MARCHF1: variants seen among roughly 807,000 people sequenced by gnomAD.
MARCHF1 encodes E3 ubiquitin-protein ligase MARCHF1.
A neutral mutation model predicts 54.2 loss-of-function variants in MARCHF1; 40 were observed. The ratio of observed to expected loss-of-function variants is 0.74; its 90% CI spans 0.57 to 0.96. The LOEUF (loss-of-function observed/expected upper bound fraction) is 0.96, where lower values mean the gene tolerates loss of function less well. Among genes scored for constraint, MARCHF1 ranks in the 40% least tolerant of loss-of-function variants. The probability of loss-of-function intolerance (pLI) is 0.00; values close to 1 mark genes in which losing one functional copy is unlikely to be tolerated. For synonymous variants in MARCHF1, 236 were observed against 236.3 expected, an observed-to-expected ratio of 1.00 and a Z score of 0.01; for missense variants, 586 against 656.5, an observed-to-expected ratio of 0.89 and a Z score of 1.17.
chr4:163,742,401 TC>T (rs1561052635), intron 4 of MARCHF1, among the ~76,000 whole-genome samples: 41 of 81,602 alleles, frequency 5.0e-4, no homozygotes, highest in Non-Finnish European at 9.0e-4. Context: ...CTTCCTCCCT[TC>T]CTTCCTTCCT....
chr4:163,909,946 T>C (rs769518846), intron 3 of MARCHF1, among the ~76,000 whole-genome samples: 2 of 152,208 alleles, frequency 1.3e-5, no homozygotes, highest in African/African-American at 4.8e-5. Flanking sequence ...AGCTACCCAG[T>C]TGAATCAACT....
chr4:164,259,586 GAAAAAA>G (rs949088358), intron 1 of MARCHF1, among the ~76,000 whole-genome samples: 2 of 120,082 alleles, frequency 1.7e-5, no homozygotes, highest in African/African-American at 6.6e-5. Context: ...AAAGAAAAAA[GAAAAAA>G]AAAAGAAAAG....
At chr4:163,786,122 A>G (rs1241711502) in intron 4 of MARCHF1, among the ~76,000 whole-genome samples, 1 of 152,108 alleles carries the variant, frequency 6.6e-6, no homozygotes, top group East Asian at 1.9e-4. Flanking sequence ...TCCTTCGGAC[A>G]CCTTGATATT....
rs180686869 is a variant in MARCHF1, at chr4:164,089,399, G to A, written c.-248+22189C>T. The stretch of plus-strand genomic sequence containing the variant: ...AATTGTGCACTTCAAAATTTGTTGA[G>A]GTTACTAGATCGCATGTTCAGTGTT... On this transcript the variant is annotated intron_variant, in intron 2 of 9. Coordinates refer to ENST00000514618, the MANE Select transcript of MARCHF1 (RefSeq NM_001394959.1). 8.9e-4 allele frequency among the ~76,000 whole-genome samples: 135 copies of A among 152,090 alleles called. 2 individuals are homozygous for A. The highest frequency in any genetic ancestry group is 3.2e-3 in the African/African-American group (131 of 41,512).
Position 163,545,599 on chromosome 4 carries a change from T to TA in MARCHF1, c.1335_1336insT (p.Asn446Ter), listed in dbSNP as rs1294907250. 1 of 1,613,090 alleles carries TA rather than the reference T, an allele frequency of 6.2e-7. No homozygotes were observed. Among genetic ancestry groups the TA allele is most frequent in the Non-Finnish European group, 8.5e-7 (1 of 1,179,570 alleles). On this transcript the variant is annotated frameshift_variant, in exon 9 of 10. Transcript: ENST00000514618. LOFTEE classifies it high-confidence loss of function. ...AAGAAGAAAGATGTGCTCTTACCAT[T>TA]GTCATTGCCTTGCTTGATTTCCTCC...
intron 3 of MARCHF1, among the ~76,000 whole-genome samples, chr4:163,886,062 A>T (rs2111255283): frequency 6.7e-6 from 1 of 148,732 alleles, no homozygotes; most frequent in Non-Finnish European, 1.5e-5. Flanking sequence ...CCCCTGTGGT[A>T]TCTATATATA....
chr4:163,794,524 T>C (rs72685619), intron 4 of MARCHF1, among the ~76,000 whole-genome samples: 5,865 of 152,230 alleles, frequency 0.039, 165 homozygotes, highest in South Asian at 0.074. Context: ...GAAGCACACA[T>C]ACATGAGCAT....
rs72989562 is a variant in MARCHF1, at chr4:164,290,821, T to C, written c.-323+93049A>G. Among the ~76,000 whole-genome samples, 902 of 152,070 alleles carry C rather than the reference T, an allele frequency of 5.9e-3. 12 individuals are homozygous for C. Among genetic ancestry groups the C allele is most frequent in the African/African-American group, 0.021 (875 of 41,566 alleles). On this transcript the variant is annotated intron_variant, in intron 1 of 9. Coordinates refer to ENST00000514618, the MANE Select transcript of MARCHF1 (RefSeq NM_001394959.1). Reference sequence around the variant, plus strand: ...TAAATAGCCTGTGAAGGAAAGATCATGAAAAACTATCCTTGAAATCTATTT... The same window carrying C: ...TAAATAGCCTGTGAAGGAAAGATCACGAAAAACTATCCTTGAAATCTATTT...
intron 3 of MARCHF1, among the ~76,000 whole-genome samples, chr4:163,878,551 C>G (rs1750342820): frequency 6.6e-6 from 1 of 152,126 alleles, no homozygotes; most frequent in Admixed American, 6.6e-5. Flanking sequence ...TCTCTTTGTT[C>G]TTTTGGAATT....
At chr4:164,112,812 A>T (rs1161749393) in intron 1 of MARCHF1, among the ~76,000 whole-genome samples, 7 of 151,986 alleles carry the variant, frequency 4.6e-5, no homozygotes. Flanking sequence ...TATATTGCAT[A>T]GAACCATGAA....
chr4:164,125,542 C>T (rs1756161438), intron 1 of MARCHF1, among the ~76,000 whole-genome samples: 1 of 152,118 alleles, frequency 6.6e-6, no homozygotes, highest in African/African-American at 2.4e-5. Flanking sequence ...CAAAATCACT[C>T]CTGAAATGAT....
At chr4:163,852,683 A>G (rs1465003897) in intron 4 of MARCHF1, among the ~76,000 whole-genome samples, 1 of 152,176 alleles carries the variant, frequency 6.6e-6, no homozygotes, top group East Asian at 1.9e-4. Context: ...GATTTAAGCA[A>G]GATCCTCACT....
intron 3 of MARCHF1, among the ~76,000 whole-genome samples, chr4:163,965,839 G>A (rs1034520485): frequency 1.3e-5 from 2 of 152,026 alleles, no homozygotes; most frequent in Admixed American, 6.6e-5. Flanking sequence ...AACACAGATC[G>A]TGATAGGTTC....
intron 5 of MARCHF1, among the ~76,000 whole-genome samples, chr4:163,641,331 A>G (rs1298534008): frequency 6.6e-6 from 1 of 152,166 alleles, no homozygotes; most frequent in Non-Finnish European, 1.5e-5. Flanking sequence ...CAGAAGAACT[A>G]AAGTTAGTAC....
chr4:164,367,799 C>T (rs1730918519), intron 1 of MARCHF1, among the ~76,000 whole-genome samples: 1 of 151,488 alleles, frequency 6.6e-6, no homozygotes, highest in African/African-American at 2.4e-5. Flanking sequence ...AATAAATTCA[C>T]CTGTGAAATT....
intron 2 of MARCHF1, among the ~76,000 whole-genome samples, chr4:163,992,806 A>G (rs1007858582): frequency 1.4e-4 from 21 of 149,878 alleles, no homozygotes; most frequent in African/African-American, 5.1e-4. Flanking sequence ...TATATTTATA[A>G]AATTATAAAT....
intron 1 of MARCHF1, among the ~76,000 whole-genome samples, chr4:164,273,939 T>C (rs1051894491): frequency 1.3e-5 from 2 of 152,128 alleles, no homozygotes; most frequent in Non-Finnish European, 2.9e-5. Context: ...AAGGAATTAA[T>C]AAATAAAAAT....
intron 3 of MARCHF1, among the ~76,000 whole-genome samples, chr4:163,973,978 G>A (rs1752600753): frequency 2.0e-5 from 3 of 152,172 alleles, no homozygotes; most frequent in African/African-American, 7.2e-5. Flanking sequence ...TATGGCCTCT[G>A]GAATCACACT....
At chr4:164,250,311 G>A (rs1733087356) in intron 1 of MARCHF1, among the ~76,000 whole-genome samples, 5 of 152,078 alleles carry the variant, frequency 3.3e-5, no homozygotes, top group African/African-American at 1.2e-4. Context: ...TTTCAGTGTA[G>A]ATATTCAAAT....
Sources: allele counts gnomAD v4.1 joint callset (sites outside exome capture counted in the v4.1 genomes callset), GRCh38; gene constraint gnomAD v4.1.1; transcripts MANE v1.5; gene names NCBI Gene and HGNC (gene_info 2026-07-23, HGNC 2026-07-21).